ATP6V0A1: variants seen among roughly 807,000 people sequenced by gnomAD.
ATP6V0A1 encodes the protein V-type proton ATPase 116 kDa subunit a 1.
In ATP6V0A1, 43 loss-of-function variants were observed where a neutral mutation model predicts 105.4. That is an observed-to-expected ratio of 0.41 (90% CI 0.32 to 0.53). The LOEUF is 0.53. Ranked by LOEUF, ATP6V0A1 falls within the 20% of genes least tolerant of loss-of-function variation. ATP6V0A1 has a pLI of 0.30. For missense variants in ATP6V0A1, 676 were observed against 1,051.1 expected (o/e 0.64, Z 4.93); for synonymous variants, 362 against 372.8 (o/e 0.97, Z 0.33).
chr17:42,483,591 TA>T, intron 9 of ATP6V0A1, among the ~76,000 whole-genome samples: 1 of 152,020 alleles, frequency 6.6e-6, no homozygotes, highest in Non-Finnish European at 1.5e-5. Context: ...TATTTTTATT[TA>T]TTTTTTTGAG....
Position 42,520,877 on chromosome 17 carries a change from T to G in ATP6V0A1, c.2421-150T>G, listed in dbSNP as rs1262396858. Reference sequence around the variant, plus strand: ...TTGATCCCAGGCCTTAAAAGTGGGATCTCTGCACTCTGGGCTTTCTCTAGC... The same window carrying G: ...TTGATCCCAGGCCTTAAAAGTGGGAGCTCTGCACTCTGGGCTTTCTCTAGC... On this transcript the variant is annotated intron_variant, in intron 21 of 21. Transcript: ENST00000343619. The G allele has an allele frequency of 5.8e-6, 4 of 691,408 alleles. No homozygotes were observed. The East Asian group carries it at 7.7e-5, about 13-fold the overall frequency. The allele number at this position is 691,408 out of a possible 1,614,324, so 42.8% of individuals were successfully genotyped here.
At chr17:42,459,734 G>A (rs2086185591) in intron 1 of ATP6V0A1, among the ~76,000 whole-genome samples, 1 of 152,192 alleles carries the variant, frequency 6.6e-6, no homozygotes, top group East Asian at 1.9e-4. Flanking sequence ...AAGTCAGCCT[G>A]CATATTCTCT....
intron 5 of ATP6V0A1, among the ~76,000 whole-genome samples, chr17:42,473,214 A>G (rs145897824): frequency 6.6e-6 from 1 of 152,322 alleles, no homozygotes; most frequent in Non-Finnish European, 1.5e-5. Context: ...ACATCACGTT[A>G]GAGGGTGTGG....
chr17:42,461,062 C>A, intron 2 of ATP6V0A1, 51 bp downstream of exon 2: 5 of 1,466,288 alleles, frequency 3.4e-6, no homozygotes, highest in Non-Finnish European at 4.8e-6. Context: ...CTATTGCTAT[C>A]GTGGTCAGAT....
At chr17:42,520,997 A>G in intron 21 of ATP6V0A1, 30 bp from the exon 22 acceptor site, 1 of 1,550,706 alleles carries the variant, frequency 6.4e-7, no homozygotes, top group Non-Finnish European at 8.8e-7. Context: ...GTTTCTATTG[A>G]ATGACAGCTT....
chr17:42,460,605 G>T (rs1201990001), intron 1 of ATP6V0A1, among the ~76,000 whole-genome samples: 1 of 152,156 alleles, frequency 6.6e-6, no homozygotes, highest in East Asian at 1.9e-4. Context: ...CAAAATAATT[G>T]TCATTTGATC....
At chr17:42,497,012 A>T (rs2091245119) in intron 14 of ATP6V0A1, among the ~76,000 whole-genome samples, 1 of 151,720 alleles carries the variant, frequency 6.6e-6, no homozygotes, top group African/African-American at 2.4e-5. Flanking sequence ...CTACAATCAT[A>T]ATGTATAAGC....
intron 2 of ATP6V0A1, among the ~76,000 whole-genome samples, chr17:42,464,561 C>T (rs1464467606): frequency 6.6e-6 from 1 of 152,036 alleles, no homozygotes; most frequent in Admixed American, 6.6e-5. Context: ...CGCTGCCACT[C>T]CCGGCTAATT....
chr17:42,491,907 C>T (rs1422490401), intron 11 of ATP6V0A1, among the ~76,000 whole-genome samples: 1 of 151,844 alleles, frequency 6.6e-6, no homozygotes, highest in Non-Finnish European at 1.5e-5. Flanking sequence ...TGCTGGGTGG[C>T]GTGAGCCACT....
Position 42,483,095 on chromosome 17 carries a change from T to C in ATP6V0A1, c.774T>C (p.Ala258=). 6.4e-7 allele frequency: 1 copy of C among 1,561,868 alleles called. No individual in the cohort carries two copies. The highest frequency in any genetic ancestry group is 8.7e-7 in the Non-Finnish European group (1 of 1,150,490). ...CACCACAGGAGAGGAAGGAAATGGC[T>C]TCTGGAGTGAATACCAGGATTGATG... The part of the protein sequence containing the change: ...PETPQERKEM[A]SGVNTRIDDL... The change falls in exon 9 of 22, where the codon GCT becomes GCC. Residue 258 remains alanine, a synonymous_variant. Transcript: ENST00000343619.
chr17:42,493,691 G>C (rs2090886148), intron 11 of ATP6V0A1, among the ~76,000 whole-genome samples: 1 of 152,126 alleles, frequency 6.6e-6, no homozygotes, highest in Non-Finnish European at 1.5e-5. Context: ...GCACATACTT[G>C]TAGTTCCAAC....
intron 14 of ATP6V0A1, 58 bp from the exon 15 acceptor site, chr17:42,498,866 A>G (rs543354304): frequency 3.4e-6 from 4 of 1,192,644 alleles, no homozygotes; most frequent in South Asian, 2.6e-5. Context: ...AAACAGAGGA[A>G]TATTTTTCCC....
intron 5 of ATP6V0A1, among the ~76,000 whole-genome samples, chr17:42,471,898 A>G (rs909463633): frequency 6.6e-6 from 1 of 152,116 alleles, no homozygotes; most frequent in Non-Finnish European, 1.5e-5. Flanking sequence ...AAAGTACAGT[A>G]ACTGTCTTCT....
In ATP6V0A1 at chr17:42,496,078, A is replaced by AAAAG. The variant is rs1168392193; in HGVS notation, c.1560+378_1560+381dup. 661 of 144,040 alleles carry AAAAG rather than the reference A, an allele frequency of 4.6e-3. 31 individuals are homozygous for AAAAG. Among genetic ancestry groups the AAAAG allele is most frequent in the South Asian group, 0.012 (64 of 5,162 alleles). 8.9% of individuals were successfully genotyped at this position (144,040 alleles called of 1,614,324 possible). A position where few individuals can be genotyped will look rare whatever the true frequency, so the allele number is the denominator to read the frequency against. ...CTCCGTCTCAAAAAAAAAAAAAAAA[A>AAAAG]AAAGAAAGAAAGAAAGAAACAAACA... On this transcript the variant is annotated intron_variant, in intron 14 of 21. Coordinates refer to ENST00000343619, the MANE Select transcript of ATP6V0A1 (RefSeq NM_001130021.3).
chr17:42,493,147 T>A (rs2090823298), intron 11 of ATP6V0A1, among the ~76,000 whole-genome samples: 1 of 152,220 alleles, frequency 6.6e-6, no homozygotes, highest in Non-Finnish European at 1.5e-5. Context: ...CTGATATTTT[T>A]AAATGGCTTT....
chr17:42,517,313 C>A (rs185088519), intron 21 of ATP6V0A1, among the ~76,000 whole-genome samples: 1 of 151,828 alleles, frequency 6.6e-6, no homozygotes, highest in East Asian at 1.9e-4. Context: ...AACAAAAAAA[C>A]CTGGGATGCC....
chr17:42,461,749 G>A (rs901634292), intron 2 of ATP6V0A1, among the ~76,000 whole-genome samples: 18 of 152,132 alleles, frequency 1.2e-4, no homozygotes, highest in Admixed American at 7.2e-4. Flanking sequence ...CAGCCTGGGC[G>A]ACAGAGCAAG....
rs554409917 is a variant in ATP6V0A1, at chr17:42,485,901, A to T, written c.811-1254A>T. Among the ~76,000 whole-genome samples the T allele has an allele frequency of 8.4e-4, 128 of 152,308 alleles. 2 individuals carry two copies. The highest frequency in any genetic ancestry group is 2.9e-3 in the African/African-American group (120 of 41,570). ...GAAAGAAAGTAGCTATCTTCAAGTGATGTGTTTCCTAGCATGACATGGCTT... is the reference window on the plus strand; with the variant it reads ...GAAAGAAAGTAGCTATCTTCAAGTGTTGTGTTTCCTAGCATGACATGGCTT... On this transcript the variant is annotated intron_variant, in intron 9 of 21. Transcript: ENST00000343619.
At chr17:42,494,629 C>A in intron 12 of ATP6V0A1, 156 bp downstream of exon 12, 1 of 925,570 alleles carries the variant, frequency 1.1e-6, no homozygotes, top group Non-Finnish European at 1.6e-6. Flanking sequence ...CATGTGCAAG[C>A]TGGAAGTGGT....
Sources: allele counts gnomAD v4.1 joint callset (sites outside exome capture counted in the v4.1 genomes callset), GRCh38; gene constraint gnomAD v4.1.1; transcripts MANE v1.5; gene names NCBI Gene and HGNC (gene_info 2026-07-23, HGNC 2026-07-21).